Variants in AGBL1 observed in about 807,000 individuals in gnomAD.
The protein encoded by AGBL1 is AGBL carboxypeptidase 1.
Under a neutral mutation model 118.9 loss-of-function variants are expected in AGBL1, and 130 were observed. That is an observed-to-expected ratio of 1.09 (90% CI 0.95 to 1.26). The LOEUF (loss-of-function observed/expected upper bound fraction) is 1.26. Ranked by LOEUF, AGBL1 falls within the 50% of genes most tolerant of loss-of-function variation. The probability of loss-of-function intolerance (pLI) is 0.00; values close to 1 mark genes in which losing one functional copy is unlikely to be tolerated. For synonymous variants in AGBL1, 555 were observed against 478.9 expected (o/e 1.16, Z -2.08); for missense variants, 1,584 against 1,298.1 (o/e 1.22, Z -3.38).
At chr15:86,204,455 C>A (rs1023012520) in intron 5 of AGBL1, among the ~76,000 whole-genome samples, 2 of 152,014 alleles carry the variant, frequency 1.3e-5, no homozygotes, top group African/African-American at 4.8e-5. Context: ...CAGAGTGGTG[C>A]ATTGATCCCT....
At chr15:86,650,614 A>G (rs996089184) in intron 21 of AGBL1, among the ~76,000 whole-genome samples, 11 of 152,178 alleles carry the variant, frequency 7.2e-5, no homozygotes, top group African/African-American at 2.7e-4. Context: ...AATAAGAGCA[A>G]AATAAAAAGG....
chr15:86,814,520 C>T (rs2078833773), intron 22 of AGBL1, among the ~76,000 whole-genome samples: 1 of 152,166 alleles, frequency 6.6e-6, no homozygotes, highest in South Asian at 2.1e-4. Context: ...ACAGAAGCAT[C>T]TAGGTCACAG....
chr15:86,968,789 A>G (rs1039363162), intron 23 of AGBL1, among the ~76,000 whole-genome samples: 3 of 151,898 alleles, frequency 2.0e-5, no homozygotes, highest in East Asian at 1.9e-4. Flanking sequence ...TAGAGGCTGG[A>G]AAGTCCACAA....
chr15:86,651,228 T>G lies in AGBL1; in HGVS notation c.2995-23045T>G, dbSNP rs187076981. On this transcript the variant is annotated intron_variant, in intron 21 of 22. Coordinates refer to ENST00000614907, the MANE Select transcript of AGBL1 (RefSeq NM_001386094.1). ...CAGGATTATTCATTTTTAACCAGTGTTATTCCATGACTCTGATGTGGGCCC... is the reference window on the plus strand; with the variant it reads ...CAGGATTATTCATTTTTAACCAGTGGTATTCCATGACTCTGATGTGGGCCC... Among the ~76,000 whole-genome samples the G allele has an allele frequency of 8.1e-4, 123 of 152,292 alleles. 2 individuals are homozygous for G. The highest frequency in any genetic ancestry group is 2.0e-3 in the Admixed American group (31 of 15,286).
chr15:86,697,777 G>T (rs1004281903), intron 22 of AGBL1, among the ~76,000 whole-genome samples: 2 of 151,890 alleles, frequency 1.3e-5, no homozygotes, highest in African/African-American at 2.4e-5. Context: ...CCCATGGGTT[G>T]TTCCTTTGAT....
At chr15:86,327,423 C>G (rs1490129871) in intron 17 of AGBL1, among the ~76,000 whole-genome samples, 1 of 152,234 alleles carries the variant, frequency 6.6e-6, no homozygotes, top group Non-Finnish European at 1.5e-5. Context: ...TACAACATCT[C>G]TGACTCATTC....
At chr15:86,873,756 C>T (rs936686593) in intron 22 of AGBL1, among the ~76,000 whole-genome samples, 2 of 152,122 alleles carry the variant, frequency 1.3e-5, no homozygotes, top group African/African-American at 4.8e-5. Flanking sequence ...GTTTAATAAG[C>T]ACCCCAATTT....
intron 18 of AGBL1, among the ~76,000 whole-genome samples, chr15:86,410,229 G>T (rs545095198): frequency 6.6e-6 from 1 of 152,116 alleles, no homozygotes; most frequent in African/African-American, 2.4e-5. Flanking sequence ...ACTCTCAGGG[G>T]TGCTCTGATT....
chr15:86,407,690 C>T (rs1175624140), intron 18 of AGBL1, among the ~76,000 whole-genome samples: 2 of 152,114 alleles, frequency 1.3e-5, no homozygotes, highest in Non-Finnish European at 2.9e-5. Flanking sequence ...TCCTTTTAGT[C>T]ATCATTTACT....
At chr15:86,999,495 C>T (rs12910305) in intron 24 of AGBL1, among the ~76,000 whole-genome samples, 1 of 139,350 alleles carries the variant, frequency 7.2e-6, no homozygotes, top group African/African-American at 3.0e-5. Flanking sequence ...TCTTGTGATA[C>T]TTTAGTTTAC....
chr15:86,200,240 A>G (rs2077881421), intron 5 of AGBL1, among the ~76,000 whole-genome samples: 2 of 152,218 alleles, frequency 1.3e-5, no homozygotes, highest in South Asian at 4.1e-4. Context: ...AGGTGACAGC[A>G]CATATACATA....
chr15:86,253,983 G>A (rs889796188), intron 7 of AGBL1, among the ~76,000 whole-genome samples: 1 of 152,204 alleles, frequency 6.6e-6, no homozygotes, highest in African/African-American at 2.4e-5. Context: ...AGAGTAAGGG[G>A]AGGAATTAGA....
At chr15:86,248,539 A>T (rs2078758021) in intron 7 of AGBL1, among the ~76,000 whole-genome samples, 1 of 152,154 alleles carries the variant, frequency 6.6e-6, no homozygotes, top group East Asian at 1.9e-4. Flanking sequence ...AGGTTCTTCA[A>T]AAAAAAGCAG....
rs141582397 is a variant in AGBL1 at position 86,238,335 on chromosome 15, G to A, written c.527-9336G>A. Among the ~76,000 whole-genome samples the A allele has an allele frequency of 3.5e-3, 538 of 152,298 alleles. 2 individuals are homozygous for A. Among genetic ancestry groups the A allele is most frequent in the African/African-American group, 0.013 (523 of 41,556 alleles). ...CTGGAACAACTGGTATATCGTAGTT[G>A]CTAAATAAATGTTTGCTGAATGGAT... On this transcript the variant is annotated intron_variant, in intron 6 of 22. Transcript: ENST00000614907.
At chr15:86,160,456 T>G (rs1008377602) in intron 5 of AGBL1, among the ~76,000 whole-genome samples, 5 of 152,160 alleles carry the variant, frequency 3.3e-5, no homozygotes, top group African/African-American at 1.2e-4. Flanking sequence ...TACATCTGAG[T>G]TCTAAGAAGC....
chr15:86,941,972 G>T (rs552459333), intron 23 of AGBL1, among the ~76,000 whole-genome samples: 1 of 152,204 alleles, frequency 6.6e-6, no homozygotes, highest in African/African-American at 2.4e-5. Flanking sequence ...TAAAAAGGGT[G>T]ATATTGGAAC....
At chr15:86,426,233 A>G (rs1255046839) in intron 18 of AGBL1, among the ~76,000 whole-genome samples, 2 of 152,218 alleles carry the variant, frequency 1.3e-5, no homozygotes, top group African/African-American at 4.8e-5. Context: ...CCTCATACAA[A>G]GGAATGTCAG....
At chr15:86,470,137 C>A (rs1044277784) in intron 18 of AGBL1, among the ~76,000 whole-genome samples, 8 of 152,130 alleles carry the variant, frequency 5.3e-5, no homozygotes, top group African/African-American at 1.9e-4. Context: ...CGTAGCCAAG[C>A]ATCATGGTCC....
rs533203610 is a variant in AGBL1, at chr15:86,408,556, T to A, written c.2555+11010T>A. On this transcript the variant is annotated intron_variant, in intron 18 of 22. Coordinates refer to ENST00000614907, the MANE Select transcript of AGBL1 (RefSeq NM_001386094.1). ...ATTCCTGAGTTTCATTCGTCACATT[T>A]TAATTTAGATTGCTTTGCTATTTTG... Among the ~76,000 whole-genome samples the A allele has an allele frequency of 4.5e-4, 69 of 152,358 alleles. 1 individual carries two copies. The highest frequency in any genetic ancestry group is 8.5e-4 in the Non-Finnish European group (58 of 68,024).
Sources: gnomAD v4.1 joint callset for allele counts (sites outside exome capture counted in the v4.1 genomes callset) on GRCh38, gnomAD v4.1.1 for gene constraint, MANE v1.5 for transcripts, NCBI Gene and HGNC (gene_info 2026-07-23, HGNC 2026-07-21) for gene names.